The following AASS variants were observed in gnomAD, a reference collection of about 807,000 sequenced individuals.
The protein encoded by AASS is aminoadipate-semialdehyde synthase.
Under a neutral mutation model 105.4 loss-of-function variants are expected in AASS, and 86 were observed. The observed-to-expected ratio is 0.82, with a 90% confidence interval of 0.69 to 0.98. AASS has a LOEUF of 0.98. AASS is among the 50% of genes least tolerant of loss of function. AASS has a pLI of 0.00. For synonymous variants in AASS, 381 were observed against 394.8 expected, an observed-to-expected ratio of 0.96 and a Z score of 0.41; for missense variants, 1,048 against 1,143.2, an observed-to-expected ratio of 0.92 and a Z score of 1.20.
At chr7:122,098,896 A>AAG (rs1554388454) in intron 13 of AASS, 30 bp from the exon 14 acceptor site, 1 of 1,439,134 alleles carries the variant, frequency 6.9e-7, no homozygotes, top group Non-Finnish European at 9.3e-7. Flanking sequence ...AAAAAAAAAA[A>AAG]GGGAAGGGGC....
intron 2 of AASS, among the ~76,000 whole-genome samples, chr7:122,130,547 C>T (rs1317163893): frequency 6.6e-6 from 1 of 151,816 alleles, no homozygotes; most frequent in Non-Finnish European, 1.5e-5. Flanking sequence ...AATTATAATC[C>T]TCATTCAATC....
At chr7:122,114,967 A>G in intron 9 of AASS, 107 bp downstream of exon 9, 1 of 1,471,434 alleles carries the variant, frequency 6.8e-7, no homozygotes, top group South Asian at 1.1e-5. Context: ...AAGATAAGGC[A>G]GAGAAGTAGT....
At chr7:122,118,653 G>A (rs758223189) in intron 4 of AASS, 23 bp from the exon 5 acceptor site, 1 of 1,610,110 alleles carries the variant, frequency 6.2e-7, no homozygotes, top group Admixed American at 1.7e-5. Context: ...CAGACCAATA[G>A]AAAGACTATT....
chr7:122,103,047 G>A (rs1794503638), intron 11 of AASS, among the ~76,000 whole-genome samples: 1 of 151,912 alleles, frequency 6.6e-6, no homozygotes, highest in East Asian at 1.9e-4. Flanking sequence ...TAAAATTAGT[G>A]AATATAAGTT....
At chr7:122,137,475 C>T (rs1386917583) in intron 1 of AASS, among the ~76,000 whole-genome samples, 4 of 152,148 alleles carry the variant, frequency 2.6e-5, no homozygotes, top group Admixed American at 6.5e-5. Flanking sequence ...CGTAGCATGC[C>T]GTGCCTCTCT....
intron 4 of AASS, among the ~76,000 whole-genome samples, chr7:122,122,975 C>T (rs1361987103): frequency 6.6e-6 from 1 of 152,110 alleles, no homozygotes; most frequent in Non-Finnish European, 1.5e-5. Context: ...GTAGAGTAGG[C>T]TTTATTAAGA....
chr7:122,121,662 C>A (rs971443242), intron 4 of AASS, among the ~76,000 whole-genome samples: 2 of 152,100 alleles, frequency 1.3e-5, no homozygotes, highest in Non-Finnish European at 2.9e-5. Context: ...CCAAAGTGAG[C>A]GACTGGGCCC....
chr7:122,121,936 TAC>T (rs1795457906), intron 4 of AASS, among the ~76,000 whole-genome samples: 1 of 152,164 alleles, frequency 6.6e-6, no homozygotes, highest in Non-Finnish European at 1.5e-5. Context: ...AAATATATTG[TAC>T]TGTGCATAAA....
At chr7:122,126,564 A>G (rs1795665609) in intron 3 of AASS, 105 bp from the exon 4 acceptor site, 1 of 971,718 alleles carries the variant, frequency 1.0e-6, no homozygotes, top group Non-Finnish European at 1.6e-6. Flanking sequence ...CCTCTGAAAT[A>G]CACCTTAACT....
At chr7:122,142,868 G>GGTT (rs1796466337) in intron 1 of AASS, among the ~76,000 whole-genome samples, 1 of 152,178 alleles carries the variant, frequency 6.6e-6, no homozygotes, top group Admixed American at 6.5e-5. Flanking sequence ...TAAACGACTA[G>GGTT]TGAGAAAAAA....
chr7:122,096,226 C>T (rs907575637), intron 15 of AASS, among the ~76,000 whole-genome samples: 1 of 152,118 alleles, frequency 6.6e-6, no homozygotes, highest in Non-Finnish European at 1.5e-5. Context: ...AAAATTATAA[C>T]TATGAGAATT....
At chr7:122,089,073 G>C (rs1031009375) in intron 18 of AASS, among the ~76,000 whole-genome samples, 3 of 151,974 alleles carry the variant, frequency 2.0e-5, no homozygotes, top group African/African-American at 7.2e-5. Flanking sequence ...AGAAGTCAGA[G>C]AGGTGACTTG....
At position 122,116,970 on chromosome 7, in the gene AASS, CAT is replaced by C. The variant is rs771152539; in HGVS notation, c.688-15_688-14del. 30 of 1,610,986 alleles carry C rather than the reference CAT, an allele frequency of 1.9e-5. No homozygotes were observed. In the South Asian group the frequency reaches 2.0e-4, roughly 11 times the overall value. ...TTGCTTGGGCTCCCTACAAATAACA[CAT>C]GAGTAAAAATCCAAAAATCAATAGA... On this transcript the variant is annotated splice_polypyrimidine_tract_variant and intron_variant, in intron 6 of 23. Coordinates refer to ENST00000417368, the MANE Select transcript of AASS (RefSeq NM_005763.4).
Position 122,075,863 on chromosome 7 carries a change from C to T in AASS, c.*626G>A, listed in dbSNP as rs1424001001. On this transcript the variant is annotated 3_prime_UTR_variant, in exon 24 of 24. Coordinates refer to ENST00000417368, the MANE Select transcript of AASS (RefSeq NM_005763.4). ...GTAATCTGAAGGTATCTAACTGTAT[C>T]AATTTTAAAAATATAAAAATATAGC... 1 of 152,056 alleles carries T rather than the reference C, an allele frequency of 6.6e-6. No individual in the cohort carries two copies. 9.4% of individuals were successfully genotyped at this position (152,056 alleles called of 1,614,324 possible). A position where few individuals can be genotyped will look rare whatever the true frequency, so the allele number is the denominator to read the frequency against.
At chr7:122,122,200 G>A (rs1166555096) in intron 4 of AASS, among the ~76,000 whole-genome samples, 2 of 151,780 alleles carry the variant, frequency 1.3e-5, no homozygotes, top group Non-Finnish European at 2.9e-5. Context: ...ACTTATCTGT[G>A]TATTTATAAT....
chr7:122,079,030 A>G, intron 21 of AASS, 80 bp from the exon 22 acceptor site: 1 of 1,610,958 alleles, frequency 6.2e-7, no homozygotes. Flanking sequence ...AGCTCCTTGA[A>G]TTTAATCTTG....
chr7:122,093,279 A>G, intron 15 of AASS, 121 bp from the exon 16 acceptor site: 4 of 779,810 alleles, frequency 5.1e-6, no homozygotes, highest in Non-Finnish European at 9.0e-6. Context: ...CTCTCAGAAA[A>G]GGGAACACTT....
intron 20 of AASS, among the ~76,000 whole-genome samples, chr7:122,080,603 A>G (rs1486866140): frequency 6.6e-6 from 1 of 152,194 alleles, no homozygotes; most frequent in Non-Finnish European, 1.5e-5. Context: ...CACAAAAAAA[A>G]TGAATGTAAA....
intron 4 of AASS, among the ~76,000 whole-genome samples, chr7:122,126,123 TA>T (rs1456656373): frequency 6.6e-6 from 1 of 152,234 alleles, no homozygotes; most frequent in Non-Finnish European, 1.5e-5. Context: ...AGGAACTACC[TA>T]AAAATCAGAG....
Sources: allele counts gnomAD v4.1 joint callset (sites outside exome capture counted in the v4.1 genomes callset), GRCh38; gene constraint gnomAD v4.1.1; transcripts MANE v1.5; gene names NCBI Gene and HGNC (gene_info 2026-07-23, HGNC 2026-07-21).